VWA3B: variants seen among roughly 807,000 people sequenced by gnomAD.
VWA3B encodes von Willebrand factor A domain containing 3B, also known as von Willebrand factor A domain-containing protein 3B.
Under a neutral mutation model 158.3 loss-of-function variants are expected in VWA3B, and 138 were observed. The ratio of observed to expected loss-of-function variants is 0.87; its 90% confidence interval spans 0.76 to 1.00. VWA3B has a LOEUF of 1.00. Ranked by LOEUF, VWA3B falls within the 50% of genes least tolerant of loss-of-function variation. VWA3B has a pLI of 0.00. For synonymous variants in VWA3B, 596 were observed against 587.3 expected (o/e 1.01, Z -0.21); for missense variants, 1,555 against 1,565.1 (o/e 0.99, Z 0.11).
chr2:98,260,436 A>C (rs1687411412), intron 21 of VWA3B, among the ~76,000 whole-genome samples: 1 of 151,922 alleles, frequency 6.6e-6, no homozygotes, highest in Non-Finnish European at 1.5e-5. Context: ...TACAACAATA[A>C]AAATGCAAGT....
chr2:98,151,025 G>A (rs1383951759), intron 7 of VWA3B, among the ~76,000 whole-genome samples: 2 of 152,152 alleles, frequency 1.3e-5, no homozygotes, highest in African/African-American at 4.8e-5. Flanking sequence ...TTCATCAAAT[G>A]TGGAAATATG....
intron 12 of VWA3B, among the ~76,000 whole-genome samples, chr2:98,195,039 C>A (rs924821915): frequency 1.3e-5 from 2 of 152,196 alleles, no homozygotes; most frequent in Non-Finnish European, 2.9e-5. Context: ...AAGGATTTTC[C>A]TTGCCCTAAA....
intron 7 of VWA3B, among the ~76,000 whole-genome samples, chr2:98,143,723 G>A (rs1345290465): frequency 2.6e-5 from 4 of 151,186 alleles, no homozygotes; most frequent in African/African-American, 4.9e-5. Flanking sequence ...TTAACTAACT[G>A]GAGCTTTAGC....
intron 1 of VWA3B, among the ~76,000 whole-genome samples, chr2:98,088,678 T>C (rs1243970278): frequency 1.3e-5 from 2 of 152,176 alleles, no homozygotes; most frequent in Non-Finnish European, 2.9e-5. Context: ...CAATTTATAA[T>C]AACCTCAGCT....
At chr2:98,253,072 T>C (rs1486055496) in intron 20 of VWA3B, among the ~76,000 whole-genome samples, 1 of 152,170 alleles carries the variant, frequency 6.6e-6, no homozygotes, top group African/African-American at 2.4e-5. Context: ...AATAGTAACA[T>C]GAATATTATA....
At chr2:98,234,392 A>G (rs1276069640) in intron 16 of VWA3B, among the ~76,000 whole-genome samples, 2 of 152,202 alleles carry the variant, frequency 1.3e-5, no homozygotes, top group Non-Finnish European at 2.9e-5. Flanking sequence ...CAGTCCTACA[A>G]TTGCAAGGAG....
chr2:98,089,316 G>A (rs2104789565), intron 1 of VWA3B, among the ~76,000 whole-genome samples: 1 of 152,256 alleles, frequency 6.6e-6, no homozygotes, highest in East Asian at 1.9e-4. Flanking sequence ...CAAGCCTGAA[G>A]TGCCTAAGAC....
Position 98,119,777 on chromosome 2 carries a change from G to T in VWA3B, c.542+14G>T. On this transcript the variant is annotated intron_variant, in intron 4 of 27. Coordinates refer to ENST00000477737, the MANE Select transcript of VWA3B (RefSeq NM_144992.5). ...CAATATCATACGGTGAGTTCCCATA[G>T]GAAGGGAGTATTTTAGTGAAAGTTC... 6.2e-7 allele frequency: 1 copy of T among 1,610,972 alleles called. No individual in the cohort carries two copies. Among genetic ancestry groups the T allele is most frequent in the Non-Finnish European group, 8.5e-7 (1 of 1,177,530 alleles).
chr2:98,103,114 A>G (rs1215072960), intron 2 of VWA3B, among the ~76,000 whole-genome samples: 1 of 152,082 alleles, frequency 6.6e-6, no homozygotes, highest in Non-Finnish European at 1.5e-5. Flanking sequence ...ATTCTTTTTT[A>G]ATGCCTGTAG....
At chr2:98,214,832 A>G (rs78185389) in intron 13 of VWA3B, among the ~76,000 whole-genome samples, 4 of 152,174 alleles carry the variant, frequency 2.6e-5, no homozygotes, top group African/African-American at 9.7e-5. Flanking sequence ...AACTCTGTGC[A>G]TATATTGGTT....
At chr2:98,206,832 T>G in intron 12 of VWA3B, 1 of 380,994 alleles carries the variant, frequency 2.6e-6, no homozygotes, top group Admixed American at 3.5e-5. Flanking sequence ...CCCATGGTGC[T>G]TAATCTGGGT....
chr2:98,232,434 T>C (rs940798579), intron 16 of VWA3B, among the ~76,000 whole-genome samples: 1 of 152,204 alleles, frequency 6.6e-6, no homozygotes, highest in African/African-American at 2.4e-5. Flanking sequence ...TTCCAGAGAA[T>C]GTATAATTAA....
At chr2:98,152,328 T>C (rs1677705626) in intron 7 of VWA3B, among the ~76,000 whole-genome samples, 1 of 152,244 alleles carries the variant, frequency 6.6e-6, no homozygotes, top group South Asian at 2.1e-4. Flanking sequence ...GAAGCTTTCA[T>C]GGAGGCATGG....
At chr2:98,120,254 A>G (rs1177743292) in intron 4 of VWA3B, among the ~76,000 whole-genome samples, 4 of 152,178 alleles carry the variant, frequency 2.6e-5, no homozygotes, top group Non-Finnish European at 5.9e-5. Context: ...ACAACCAATT[A>G]TTTATGGATT....
intron 22 of VWA3B, among the ~76,000 whole-genome samples, chr2:98,289,984 G>C (rs1362823119): frequency 6.6e-6 from 1 of 152,244 alleles, no homozygotes; most frequent in Non-Finnish European, 1.5e-5. Context: ...GCTCCAAAGT[G>C]AGTGTATAGT....
intron 7 of VWA3B, among the ~76,000 whole-genome samples, chr2:98,145,174 C>T (rs557919858): frequency 4.6e-5 from 7 of 152,210 alleles, no homozygotes; most frequent in South Asian, 4.1e-4. Context: ...GTACCCTTTC[C>T]GTCTGTATAC....
intron 1 of VWA3B, among the ~76,000 whole-genome samples, chr2:98,088,535 A>G (rs937417646): frequency 6.6e-6 from 1 of 151,786 alleles, no homozygotes; most frequent in South Asian, 2.1e-4. Flanking sequence ...TTCCTTTTAC[A>G]CTTCCTCCTT....
chr2:98,129,181 GGAGAGAGAGAGTGA>G (rs1382306347), intron 6 of VWA3B, among the ~76,000 whole-genome samples: 1 of 150,962 alleles, frequency 6.6e-6, no homozygotes, highest in Non-Finnish European at 1.5e-5. Context: ...CTCACACGGT[GGAGAGAGAGAGTGA>G]GAGAGAGAGA....
At chr2:98,230,721 T>C (rs1318735034) in intron 16 of VWA3B, among the ~76,000 whole-genome samples, 1 of 152,124 alleles carries the variant, frequency 6.6e-6, no homozygotes, top group South Asian at 2.1e-4. Context: ...AAAGACTGAA[T>C]TATTTCCCCC....
Sources: gnomAD v4.1 joint callset for allele counts (sites outside exome capture counted in the v4.1 genomes callset) on GRCh38, gnomAD v4.1.1 for gene constraint, MANE v1.5 for transcripts, NCBI Gene and HGNC (gene_info 2026-07-23, HGNC 2026-07-21) for gene names.